The following BLK variants were observed in gnomAD, a reference collection of about 807,000 sequenced individuals.
BLK encodes tyrosine-protein kinase Blk.
In BLK, 64 loss-of-function variants were observed where a neutral mutation model predicts 61.8. That is an observed-to-expected ratio of 1.03 (90% CI 0.85 to 1.27). The LOEUF is 1.27. BLK is among the 50% of genes most tolerant of loss of function. The pLI is 0.00. For missense variants in BLK, 853 were observed against 660.5 expected (o/e 1.29, Z -3.19); for synonymous variants, 351 against 272.0 (o/e 1.29, Z -2.86).
At chr8:11,557,777 T>A (rs1044051291) in intron 9 of BLK, 185 bp from the exon 10 acceptor site, 1 of 603,512 alleles carries the variant, frequency 1.7e-6, no homozygotes, top group African/African-American at 1.8e-5. Context: ...GTGCTGAGAC[T>A]GGCATTTTGT....
chr8:11,506,630 C>G (rs1380551027), intron 1 of BLK, among the ~76,000 whole-genome samples: 1 of 152,176 alleles, frequency 6.6e-6, no homozygotes, highest in Non-Finnish European at 1.5e-5. Flanking sequence ...GGTCTTCATA[C>G]CTTTCTCCAG....
At chr8:11,553,822 A>C (rs1012522465) in intron 6 of BLK, among the ~76,000 whole-genome samples, 1 of 152,134 alleles carries the variant, frequency 6.6e-6, no homozygotes, top group African/African-American at 2.4e-5. Flanking sequence ...GGAGGATGGA[A>C]GGGGGTTGAG....
intron 6 of BLK, chr8:11,553,498 C>G (rs554773012): frequency 2.9e-6 from 1 of 340,258 alleles, no homozygotes; most frequent in African/African-American, 2.1e-5. Flanking sequence ...AGTGAGGGGT[C>G]TAAAGCACCA....
At chr8:11,497,758 A>G (rs991437904) in intron 1 of BLK, among the ~76,000 whole-genome samples, 1 of 152,254 alleles carries the variant, frequency 6.6e-6, no homozygotes, top group African/African-American at 2.4e-5. Context: ...TGCCATCAGC[A>G]TGCTGGGGTT....
At chr8:11,542,865 AC>A (rs1296658017) in intron 1 of BLK, among the ~76,000 whole-genome samples, 1 of 152,130 alleles carries the variant, frequency 6.6e-6, no homozygotes, top group Non-Finnish European at 1.5e-5. Context: ...TGAAAACTAA[AC>A]CCAGAGCCCC....
At chr8:11,507,946 C>T (rs746279699) in intron 1 of BLK, among the ~76,000 whole-genome samples, 3 of 152,198 alleles carry the variant, frequency 2.0e-5, no homozygotes, top group Non-Finnish European at 2.9e-5. Context: ...GTAGAGTCAA[C>T]GGCCTTCCAG....
At chr8:11,556,508 C>T (rs1706566324) in intron 8 of BLK, 150 bp from the exon 9 acceptor site, 6 of 937,926 alleles carry the variant, frequency 6.4e-6, no homozygotes, top group Middle Eastern at 2.7e-4. Context: ...AAGGTAGGCA[C>T]CACACAACCA....
chr8:11,505,882 C>T (rs983657962), intron 1 of BLK, among the ~76,000 whole-genome samples: 10 of 152,214 alleles, frequency 6.6e-5, no homozygotes, highest in Non-Finnish European at 1.5e-4. Context: ...AACTCCACTC[C>T]CTGCCTGAAA....
intron 11 of BLK, among the ~76,000 whole-genome samples, chr8:11,561,704 C>T (rs1388312267): frequency 1.3e-5 from 2 of 152,198 alleles, no homozygotes; most frequent in East Asian, 1.9e-4. Context: ...CACCCTACTC[C>T]CTGTCTTGGA....
chr8:11,501,243 G>A (rs1364121759), intron 1 of BLK, among the ~76,000 whole-genome samples: 9 of 151,900 alleles, frequency 5.9e-5, no homozygotes, highest in Non-Finnish European at 1.3e-4. Context: ...TATTTTATTT[G>A]AATAAATAAA....
rs199955544 is a variant in BLK at position 11,556,629 on chromosome 8, G to A, written c.773-29G>A. On this transcript the variant is annotated intron_variant, in intron 8 of 12. Transcript: ENST00000259089. ...CCTCCGAGCAAGCTCTCTGTCTTCT[G>A]ATTGGCTTCTTCACTCCCCCGGGCT... is the stretch of plus-strand genomic sequence containing the variant. 13 of 1,613,956 alleles carry A rather than the reference G, an allele frequency of 8.1e-6. No homozygotes were observed. The South Asian group carries it at 1.4e-4, about 18-fold the overall frequency.
intron 1 of BLK, among the ~76,000 whole-genome samples, chr8:11,503,354 A>G (rs893407068): frequency 1.3e-5 from 2 of 152,102 alleles, no homozygotes; most frequent in Non-Finnish European, 2.9e-5. Context: ...CTCTTCTGCA[A>G]AGTGCGTTTA....
intron 1 of BLK, among the ~76,000 whole-genome samples, chr8:11,514,035 A>G (rs1799127062): frequency 6.6e-6 from 1 of 152,102 alleles, no homozygotes; most frequent in Non-Finnish European, 1.5e-5. Flanking sequence ...ACCCAATAAA[A>G]CTCGTAATGA....
At chr8:11,559,100 A>G (rs1231007299) in intron 10 of BLK, 5 of 432,394 alleles carry the variant, frequency 1.2e-5, no homozygotes, top group South Asian at 3.3e-5. Context: ...GCTGTCTCCT[A>G]TTCAATCCCC....
intron 3 of BLK, 33 bp downstream of exon 3, chr8:11,546,136 A>C (rs1273814690): frequency 1.2e-6 from 2 of 1,612,180 alleles, no homozygotes; most frequent in Non-Finnish European, 1.7e-6. Flanking sequence ...CTGAGGCTCC[A>C]CAGCCCTCTC....
At chr8:11,515,640 A>T (rs2618454) in intron 1 of BLK, among the ~76,000 whole-genome samples, 2,648 of 152,186 alleles carry the variant, frequency 0.017, 76 homozygotes, top group African/African-American at 0.062. Context: ...TTTAGAGGCC[A>T]GTCACTTACC....
chr8:11,563,574 G>C (rs570371846), intron 12 of BLK, among the ~76,000 whole-genome samples: 1 of 152,304 alleles, frequency 6.6e-6, no homozygotes, highest in East Asian at 1.9e-4. Flanking sequence ...GTGTGCACCT[G>C]GCAGCTGCCC....
intron 1 of BLK, among the ~76,000 whole-genome samples, chr8:11,536,908 G>T (rs1379016395): frequency 6.6e-6 from 1 of 152,144 alleles, no homozygotes. Context: ...ATGGAATCGG[G>T]TGCATGCCTT....
chr8:11,501,873 A>G (rs1798574638), intron 1 of BLK, among the ~76,000 whole-genome samples: 1 of 152,252 alleles, frequency 6.6e-6, no homozygotes, highest in Admixed American at 6.5e-5. Context: ...ACTGGGTAGT[A>G]GTTTTTCAAT....
Sources: allele counts gnomAD v4.1 joint callset (sites outside exome capture counted in the v4.1 genomes callset), GRCh38; gene constraint gnomAD v4.1.1; transcripts MANE v1.5; gene names NCBI Gene and HGNC (gene_info 2026-07-23, HGNC 2026-07-21).